SLC5A2: variants seen among roughly 807,000 people sequenced by gnomAD.
SLC5A2 encodes sodium/glucose cotransporter 2.
A neutral mutation model predicts 69.0 loss-of-function variants in SLC5A2; 67 were observed. That is an observed-to-expected ratio of 0.97 (90% confidence interval 0.80 to 1.19). The LOEUF (loss-of-function observed/expected upper bound fraction) is 1.19. Ranked by LOEUF, SLC5A2 falls within the 50% of genes most tolerant of loss-of-function variation. The probability of loss-of-function intolerance (pLI) is 0.00; values close to 1 mark genes in which losing one functional copy is unlikely to be tolerated. For missense variants in SLC5A2, 1,001 were observed against 921.5 expected (o/e 1.09, Z -1.12); for synonymous variants, 455 against 395.8 (o/e 1.15, Z -1.78).
chr16:31,489,218 G>A lies in SLC5A2; in HGVS notation c.1545G>A (p.Ser515=), dbSNP rs376958556. The part of the protein sequence containing the change: ...SFGSGSCVQP[S]ACPAFLCGVH... ...GCTCGGGCAGCTGTGTGCAGCCCTC[G>A]GCGTGCCCAGCTTTCCTCTGCGGCG... The change falls in exon 12 of 14, where the codon TCG becomes TCA. Residue 515 remains serine (S), a synonymous_variant. Transcript: ENST00000330498. The A allele has an allele frequency of 8.1e-5, 131 of 1,610,146 alleles. No homozygotes were observed. Among genetic ancestry groups the A allele is most frequent in the Non-Finnish European group, 1.0e-4 (121 of 1,180,018 alleles).
rs766855769 is a variant in SLC5A2, at chr16:31,483,274, G to C, written c.126+12G>C. On this transcript the variant is annotated intron_variant, in intron 1 of 13. Transcript: ENST00000330498. ...GCGTTGGCTTGTGGGTGAGAAGTTGGGGGGTGTGCTGCTGGTGGCTGCTGG... is the reference window on the plus strand; with the variant it reads ...GCGTTGGCTTGTGGGTGAGAAGTTGCGGGGTGTGCTGCTGGTGGCTGCTGG... The C allele has an allele frequency of 3.1e-6, 5 of 1,613,938 alleles. No homozygotes were observed. In the East Asian group the frequency reaches 6.7e-5, roughly 22 times the overall value.
chr16:31,484,967 A>T (rs767511435), intron 3 of SLC5A2, 44 bp downstream of exon 3: 1 of 1,537,448 alleles, frequency 6.5e-7, no homozygotes, highest in Admixed American at 1.7e-5. Context: ...CAGTGAGAAC[A>T]CCTGGAAGGG....
In SLC5A2 at chr16:31,489,054, C is replaced by T. The variant is rs758487906; in HGVS notation, c.1449+6C>T. ...TGCCGCGCGTTAATGAGCAGGTGAGCGGCACGCGCGTGGTGACGGCAGGGC... is the reference window on the plus strand; with the variant it reads ...TGCCGCGCGTTAATGAGCAGGTGAGTGGCACGCGCGTGGTGACGGCAGGGC... On this transcript the variant is annotated splice_donor_region_variant and intron_variant, in intron 11 of 13. Coordinates refer to ENST00000330498, the MANE Select transcript of SLC5A2 (RefSeq NM_003041.4). 2 of 1,601,372 alleles carry T rather than the reference C, an allele frequency of 1.2e-6. No homozygotes were observed. Among genetic ancestry groups the T allele is most frequent in the Admixed American group, 1.7e-5 (1 of 60,014 alleles).
intron 7 of SLC5A2, 114 bp from the exon 8 acceptor site, chr16:31,487,924 G>A (rs1219542577): frequency 3.3e-6 from 5 of 1,510,486 alleles, no homozygotes; most frequent in African/African-American, 2.7e-5. Context: ...TACTCCAAGC[G>A]TGCAGCTGAA....
intron 3 of SLC5A2, 109 bp from the exon 4 acceptor site, chr16:31,485,620 G>T: frequency 5.8e-6 from 8 of 1,381,910 alleles, no homozygotes; most frequent in Non-Finnish European, 7.0e-6. Flanking sequence ...CTGGGCCCCA[G>T]ATGTGGCCCT....
rs74394621 is a variant in SLC5A2, at chr16:31,489,836, C to T, written c.1666-268C>T. ...GACTGCCAGGCCAGTGTCACAAGCG[C>T]TACCATCTGGGTGTAGACAGACCTG... On this transcript the variant is annotated intron_variant, in intron 12 of 13. Coordinates refer to ENST00000330498, the MANE Select transcript of SLC5A2 (RefSeq NM_003041.4). 3.2e-3 allele frequency: 1,569 copies of T among 495,350 alleles called. 20 individuals carry two copies. The highest frequency in any genetic ancestry group is 0.028 in the African/African-American group (1,439 of 51,612). 30.7% of individuals were successfully genotyped at this position (495,350 alleles called of 1,614,324 possible). A position where few individuals can be genotyped will look rare whatever the true frequency, so the allele number is the denominator to read the frequency against.
Position 31,489,114 on chromosome 16 carries a change from C to T in SLC5A2, c.1450-9C>T, listed in dbSNP as rs748621758. On this transcript the variant is annotated splice_polypyrimidine_tract_variant and intron_variant, in intron 11 of 13. Coordinates refer to ENST00000330498, the MANE Select transcript of SLC5A2 (RefSeq NM_003041.4). ...ACATCCTCAGCAGGCTGACCTGTTT[C>T]CTTCGCAGGGCGCCTTCTGGGGACT... 7 of 1,606,744 alleles carry T rather than the reference C, an allele frequency of 4.4e-6. No homozygotes were observed. The African/African-American group carries it at 5.3e-5, about 12-fold the overall frequency.
rs536604335 is a variant in SLC5A2 at position 31,486,207 on chromosome 16, C to A, written c.506C>A (p.Ala169Asp). 3.1e-6 allele frequency: 5 copies of A among 1,613,656 alleles called. No individual in the cohort carries two copies. The highest frequency in any genetic ancestry group is 1.1e-5 in the South Asian group (1 of 91,082). The part of the protein sequence containing the change: ...MFSGAVFIQQ[A>D]LGWNIYASVI... Reference sequence around the variant, plus strand: ...TCCGGAGCTGTATTCATCCAGCAGGCTCTGGGCTGGAACATCTATGCCTCC... The same window carrying A: ...TCCGGAGCTGTATTCATCCAGCAGGATCTGGGCTGGAACATCTATGCCTCC... The change falls in exon 5 of 14, where the codon GCT becomes GAT. Residue 169 changes from alanine to aspartate, a missense_variant. Transcript: ENST00000330498.
chr16:31,488,079 C>T lies in SLC5A2; in HGVS notation c.927C>T (p.His309=). 2 of 1,614,038 alleles carry T rather than the reference C, an allele frequency of 1.2e-6. No individual in the cohort carries two copies. The change falls in exon 8 of 14, where the codon CAC becomes CAT. Residue 309 remains histidine, a synonymous_variant. Transcript: ENST00000330498. The part of the protein sequence containing the change: ...QRCLAGKSLT[H]IKAGCILCGY... ...GCCTGGCCGGGAAGAGCCTGACCCACATCAAGGCGGGCTGCATCCTGTGTG... is the reference window on the plus strand; with the variant it reads ...GCCTGGCCGGGAAGAGCCTGACCCATATCAAGGCGGGCTGCATCCTGTGTG...
intron 6 of SLC5A2, 21 bp downstream of exon 6, chr16:31,487,421 G>T (rs771503170): frequency 2.5e-6 from 4 of 1,612,554 alleles, no homozygotes; most frequent in Admixed American, 3.3e-5. Flanking sequence ...GCCTACCAGG[G>T]AGGGGCGCGG....
Position 31,490,700 on chromosome 16 carries a change from A to G in SLC5A2, c.*165A>G. Reference sequence around the variant, plus strand: ...GGCCCACTGCATCTGATTGGCAGTCACTTCCCATGAGGGCCTGGCCCACCC... The same window carrying G: ...GGCCCACTGCATCTGATTGGCAGTCGCTTCCCATGAGGGCCTGGCCCACCC... On this transcript the variant is annotated 3_prime_UTR_variant, in exon 14 of 14. Transcript: ENST00000330498. 1.7e-6 allele frequency: 2 copies of G among 1,149,392 alleles called. No homozygotes were observed. Among genetic ancestry groups the G allele is most frequent in the South Asian group, 2.6e-5 (2 of 77,554 alleles). The allele number at this position is 1,149,392 out of a possible 1,614,324, so 71.2% of individuals were successfully genotyped here. A position where few individuals can be genotyped will look rare whatever the true frequency, so the allele number is the denominator to read the frequency against.
intron 5 of SLC5A2, 105 bp downstream of exon 5, chr16:31,486,380 AG>A (rs935212120): frequency 2.5e-6 from 2 of 815,946 alleles, no homozygotes; most frequent in African/African-American, 3.4e-5. Context: ...GAGGTCTGGA[AG>A]GGTGGTGTGG....
chr16:31,487,730 G>A lies in SLC5A2; in HGVS notation c.856G>A (p.Val286Ile). Reference protein sequence around the residue: ...WPALLLGLTIVSGWYWCSDQV... With the variant: ...WPALLLGLTIISGWYWCSDQV... ...CGCGCTGCTCCTCGGACTCACAATC[G>A]TCTCGGGCTGGTACTGGTGCAGCGA... Residue 286 changes from valine to isoleucine, a missense_variant, in exon 7 of 14, where the codon GTC (valine) becomes ATC (isoleucine). Physicochemically the swap from Val to Ile is conservative, Grantham distance 29. Transcript: ENST00000330498. The A allele has an allele frequency of 2.5e-6, 4 of 1,611,848 alleles. No homozygotes were observed. Among genetic ancestry groups the A allele is most frequent in the South Asian group, 2.2e-5 (2 of 91,060 alleles).
At chr16:31,488,530 G>C (rs773641998) in intron 9 of SLC5A2, 40 bp downstream of exon 9, 14 of 1,601,172 alleles carry the variant, frequency 8.7e-6, no homozygotes, top group Non-Finnish European at 1.0e-5. Context: ...GCTCGCTGCG[G>C]AGCCCGCTGC....
At chr16:31,483,812 C>G (rs990364057) in intron 1 of SLC5A2, among the ~76,000 whole-genome samples, 1 of 151,828 alleles carries the variant, frequency 6.6e-6, no homozygotes, top group Admixed American at 6.6e-5. Flanking sequence ...GTCTTGAACT[C>G]TTAGGCTCAA....
At chr16:31,487,988 C>T in intron 7 of SLC5A2, 50 bp from the exon 8 acceptor site, 2 of 1,603,824 alleles carry the variant, frequency 1.2e-6, no homozygotes, top group Non-Finnish European at 8.5e-7. Flanking sequence ...GGGCGCGGGG[C>T]GGGGCCGAGG....
At chr16:31,487,460 C>A in intron 6 of SLC5A2, 60 bp downstream of exon 6, 1 of 1,608,864 alleles carries the variant, frequency 6.2e-7, no homozygotes, top group Non-Finnish European at 8.5e-7. Flanking sequence ...TCTCGGCCTG[C>A]GCGCGGGGCC....
At chr16:31,487,451 C>G in intron 6 of SLC5A2, 51 bp downstream of exon 6, 2 of 1,611,308 alleles carry the variant, frequency 1.2e-6, no homozygotes, top group South Asian at 2.2e-5. Flanking sequence ...TCGCGGAGCT[C>G]TCGGCCTGCG....
chr16:31,485,180 A>T lies in SLC5A2; in HGVS notation c.303+257A>T. On this transcript the variant is annotated intron_variant, in intron 3 of 13. Coordinates refer to ENST00000330498, the MANE Select transcript of SLC5A2 (RefSeq NM_003041.4). ...CCACTGCCTCTGGGAGCTTCCATTT[A>T]TTCCTCTCTGAGTGGGGTGAGCAGC... is the stretch of plus-strand genomic sequence containing the variant. 5.0e-6 allele frequency: 3 copies of T among 597,388 alleles called. No homozygotes were observed. In the South Asian group the frequency reaches 5.7e-5, roughly 11 times the overall value. The allele number at this position is 597,388 out of a possible 1,614,324, so 37.0% of individuals were successfully genotyped here.
Sources: gnomAD v4.1 joint callset for allele counts (sites outside exome capture counted in the v4.1 genomes callset) on GRCh38, gnomAD v4.1.1 for gene constraint, MANE v1.5 for transcripts, NCBI Gene and HGNC (gene_info 2026-07-23, HGNC 2026-07-21) for gene names.